PXDN: variants seen among roughly 807,000 people sequenced by gnomAD.
The protein encoded by PXDN is peroxidasin, also known as peroxidasin homolog.
PXDN carries 77 observed loss-of-function variants against 140.3 expected under a neutral mutation model. That is an observed-to-expected ratio of 0.55 (90% CI 0.46 to 0.66). The LOEUF is 0.66. Ranked by LOEUF, PXDN falls within the 30% of genes least tolerant of loss-of-function variation. The pLI, the probability that PXDN is intolerant of heterozygous loss-of-function variation, is 0.00. For synonymous variants in PXDN, 911 were observed against 857.4 expected, an observed-to-expected ratio of 1.06 and a Z score of -1.09; for missense variants, 1,838 against 2,039.5, an observed-to-expected ratio of 0.90 and a Z score of 1.90.
At position 1,697,282 on chromosome 2, in the gene PXDN, C is replaced by G. The variant is rs560902700; in HGVS notation, c.201-4148G>C. On this transcript the variant is annotated intron_variant, in intron 1 of 22. Transcript: ENST00000252804. ...GATATAGGAAAAGCATTTGCACACACAGGCGAACTCATAAACACTAGTAGC... is the reference window on the plus strand; with the variant it reads ...GATATAGGAAAAGCATTTGCACACAGAGGCGAACTCATAAACACTAGTAGC... Among the ~76,000 whole-genome samples the G allele has an allele frequency of 2.0e-5, 3 of 152,324 alleles. No individual in the cohort carries two copies. The East Asian group carries it at 5.8e-4, about 29-fold the overall frequency.
chr2:1,705,379 T>C (rs1235414781), intron 1 of PXDN, among the ~76,000 whole-genome samples: 77 of 141,486 alleles, frequency 5.4e-4, no homozygotes, highest in South Asian at 1.6e-3. Context: ...CGACCTGGGA[T>C]GCAGGGTGCA....
rs779651341 is a variant in PXDN, at chr2:1,666,422, C to T, written c.1083G>A (p.Leu361=). 8.7e-6 allele frequency: 14 copies of T among 1,613,414 alleles called. No homozygotes were observed. The highest frequency in any genetic ancestry group is 1.2e-5 in the Non-Finnish European group (14 of 1,179,678). Reference sequence around the variant, plus strand: ...GGGGGTGGCCTGTGGCGCTGCACTCCAGCGTGACGCTCTCCCCAACCAGCA... The same window carrying T: ...GGGGGTGGCCTGTGGCGCTGCACTCTAGCGTGACGCTCTCCCCAACCAGCA... The part of the protein sequence containing the change: ...TEVLVGESVT[L]ECSATGHPPP... The change falls in exon 10 of 23, where the codon CTG becomes CTA. Residue 361 remains leucine (L), a synonymous_variant. Transcript: ENST00000252804.
chr2:1,680,234 C>T lies in PXDN; in HGVS notation c.689G>A (p.Gly230Glu). The T allele has an allele frequency of 1.9e-6, 3 of 1,607,074 alleles. No homozygotes were observed. Among genetic ancestry groups the T allele is most frequent in the Non-Finnish European group, 2.5e-6 (3 of 1,176,842 alleles). The change falls in exon 7 of 23, where the codon GGA becomes GAA. Residue 230 changes from glycine (G) to glutamate (E), a missense_variant. Around this residue, in one of 5 missense-constraint regions of PXDN, gnomAD observed 208 missense variants for 325.8 expected, o/e 0.64. Transcript: ENST00000252804. ...AICEYPRRIQGRSVATITPEE... is the reference protein window; with the variant it reads ...AICEYPRRIQERSVATITPEE... ...CGGGGTGATGGTTGCCACTGAGCGT[C>T]CCTGGATGCGTCTGGGATATTCACA... is the stretch of plus-strand genomic sequence containing the variant.
In PXDN at chr2:1,651,411, T is replaced by C. The variant is rs1376373746; in HGVS notation, c.2105-1736A>G. Among the ~76,000 whole-genome samples the C allele has an allele frequency of 6.6e-6, 1 of 152,174 alleles. No homozygotes were observed. The highest frequency in any genetic ancestry group is 2.4e-5 in the African/African-American group (1 of 41,444). ...TTTGCCCACATCTGTCCTCACCCCATGCAGAGTGGTCACCCAGCCCGATGC... is the reference window on the plus strand; with the variant it reads ...TTTGCCCACATCTGTCCTCACCCCACGCAGAGTGGTCACCCAGCCCGATGC... On this transcript the variant is annotated intron_variant, in intron 16 of 22. Transcript: ENST00000252804. The surrounding 1 kb of genome is among the most constrained non-coding windows in gnomAD (Gnocchi z 4.4).
At chr2:1,738,264 A>G (rs1685462696) in intron 1 of PXDN, among the ~76,000 whole-genome samples, 1 of 152,118 alleles carries the variant, frequency 6.6e-6, no homozygotes, top group Admixed American at 6.5e-5. Context: ...AGTACGAGAG[A>G]GCTCACGTGT....
At chr2:1,672,867 C>A (rs1382723179) in intron 9 of PXDN, among the ~76,000 whole-genome samples, 1 of 152,190 alleles carries the variant, frequency 6.6e-6, no homozygotes, top group Non-Finnish European at 1.5e-5. Context: ...CTAAAGGCAG[C>A]CAGAAGGTTT....
In PXDN at chr2:1,727,200, C is replaced by A. The variant is rs561554315; in HGVS notation, c.200+17056G>T. Among the ~76,000 whole-genome samples, 5 of 152,332 alleles carry A rather than the reference C, an allele frequency of 3.3e-5. No homozygotes were observed. The South Asian group carries it at 1.0e-3, about 32-fold the overall frequency. On this transcript the variant is annotated intron_variant, in intron 1 of 22. Coordinates refer to ENST00000252804, the MANE Select transcript of PXDN (RefSeq NM_012293.3). ...GCCCTGCGAGCACACACAGCCCACC[C>A]TCCACCCGGAGAACCGCCACCGCCC...
rs992142995 is a variant in PXDN, at chr2:1,685,094, C to T, written c.417-943G>A. Among the ~76,000 whole-genome samples the T allele has an allele frequency of 5.3e-5, 8 of 152,366 alleles. No homozygotes were observed. In the East Asian group the frequency reaches 7.7e-4, roughly 15 times the overall value. The stretch of plus-strand genomic sequence containing the variant: ...AGGTCTGTGGACATCCTGAGATCAC[C>T]GTCACCACCAGGGCACCAGAGTGCG... On this transcript the variant is annotated intron_variant, in intron 4 of 22. Coordinates refer to ENST00000252804, the MANE Select transcript of PXDN (RefSeq NM_012293.3). The surrounding 1 kb of genome is among the most constrained non-coding windows in gnomAD (Gnocchi z 5.1).
At chr2:1,680,858 G>T (rs780535463) in intron 6 of PXDN, among the ~76,000 whole-genome samples, 2 of 152,178 alleles carry the variant, frequency 1.3e-5, no homozygotes, top group African/African-American at 2.4e-5. Flanking sequence ...GTGTGGGAAG[G>T]GGGGCTGCAT....
intron 3 of PXDN, 50 bp downstream of exon 3, chr2:1,691,878 T>C (rs1234635100): frequency 8.4e-7 from 1 of 1,187,264 alleles, no homozygotes; most frequent in Non-Finnish European, 1.2e-6. Flanking sequence ...TATTTTTAAG[T>C]AATCTAGATA....
At chr2:1,643,217 G>A in intron 19 of PXDN, 151 bp downstream of exon 19, 1 of 858,540 alleles carries the variant, frequency 1.2e-6, no homozygotes, top group Middle Eastern at 3.6e-4. Flanking sequence ...GTCCATCTCA[G>A]CATGGATACA....
chr2:1,676,620 G>A, intron 8 of PXDN: 1 of 426,978 alleles, frequency 2.3e-6, no homozygotes. Context: ...AGCAGGCAGG[G>A]AGAGAACAAC....
Position 1,724,838 on chromosome 2 carries a change from T to C in PXDN, c.200+19418A>G, listed in dbSNP as rs946585381. Among the ~76,000 whole-genome samples the C allele has an allele frequency of 5.3e-5, 8 of 152,342 alleles. No individual in the cohort carries two copies. The South Asian group carries it at 1.4e-3, about 28-fold the overall frequency. Reference sequence around the variant, plus strand: ...CCTTTCTTAAGATTGCTTTGGCTGTTTGGGGTCATTTGTGGTTCCATGCAA... The same window carrying C: ...CCTTTCTTAAGATTGCTTTGGCTGTCTGGGGTCATTTGTGGTTCCATGCAA... On this transcript the variant is annotated intron_variant, in intron 1 of 22. Transcript: ENST00000252804.
At chr2:1,655,273 TTATA>T (rs1045191116) in intron 14 of PXDN, among the ~76,000 whole-genome samples, 9 of 147,406 alleles carry the variant, frequency 6.1e-5, no homozygotes, top group African/African-American at 1.8e-4. Flanking sequence ...ACACAGAACA[TTATA>T]TAGAGACACA....
chr2:1,733,673 C>T (rs1572203242), intron 1 of PXDN, among the ~76,000 whole-genome samples: 1 of 138,512 alleles, frequency 7.2e-6, no homozygotes, highest in Non-Finnish European at 1.5e-5. Flanking sequence ...ACCCGGGAGG[C>T]GGAGGCTGCA....
Position 1,662,179 on chromosome 2 carries a change from G to C in PXDN, c.1573C>G (p.Pro525Ala). Reference protein sequence around the residue: ...AHLTVQPRVTPVFASIPSDTT... With the variant: ...AHLTVQPRVTAVFASIPSDTT... The stretch of plus-strand genomic sequence containing the variant: ...TCGCTGGGAATGCTGGCAAACACTG[G>C]GGTGACTGGAAGGCAGATGTAGAGA... The change falls in exon 13 of 23, where the codon CCA (proline) becomes GCA (alanine). Residue 525 changes from proline to alanine, a missense_variant. Transcript: ENST00000252804. 1.3e-6 allele frequency: 2 copies of C among 1,584,110 alleles called. No homozygotes were observed. Among genetic ancestry groups the C allele is most frequent in the African/African-American group, 1.3e-5 (1 of 74,568 alleles).
Position 1,654,464 on chromosome 2 carries a change from T to C in PXDN, c.1882A>G (p.Ile628Val), listed in dbSNP as rs778196440. ...TCAACAGTCGCAATCGCTTCCACGA[T>C]GGAGGTAGCTACAAACGGATCTCCA... ...RNGDPFVATS[I>V]VEAIATVDRA... The change falls in exon 15 of 23, where the codon ATC becomes GTC. Residue 628 changes from isoleucine (I) to valine (V), a missense_variant. Physicochemically the swap from Ile to Val is conservative, Grantham distance 29 (BLOSUM62 3). This residue lies in a region of PXDN where 537 missense variants were observed against 583.9 expected (regional missense o/e 0.92). Coordinates refer to ENST00000252804, the MANE Select transcript of PXDN (RefSeq NM_012293.3). 1.2e-6 allele frequency: 2 copies of C among 1,613,518 alleles called. No individual in the cohort carries two copies. Among genetic ancestry groups the C allele is most frequent in the Non-Finnish European group, 1.7e-6 (2 of 1,179,444 alleles).
intron 1 of PXDN, among the ~76,000 whole-genome samples, chr2:1,722,829 G>A (rs1558527158): frequency 1.3e-5 from 2 of 152,358 alleles, no homozygotes; most frequent in South Asian, 4.1e-4. Flanking sequence ...GTGCCTCACA[G>A]CCTGACCCCT....
In PXDN at chr2:1,677,326, C is replaced by T. The variant is rs145209573; in HGVS notation, c.731-282G>A. Among the ~76,000 whole-genome samples, 1,310 of 152,338 alleles carry T rather than the reference C, an allele frequency of 8.6e-3. 12 individuals are homozygous for T. Among genetic ancestry groups the T allele is most frequent in the Middle Eastern group, 0.051 (15 of 294 alleles). ...GACAGCCCCAAATGACAGCCTTCGGCGTCCCCTCGAGGCCCTCTGGGAAAG... is the reference window on the plus strand; with the variant it reads ...GACAGCCCCAAATGACAGCCTTCGGTGTCCCCTCGAGGCCCTCTGGGAAAG... On this transcript the variant is annotated intron_variant, in intron 7 of 22. Transcript: ENST00000252804.
Sources: allele counts gnomAD v4.1 joint callset (sites outside exome capture counted in the v4.1 genomes callset), GRCh38; gene constraint gnomAD v4.1.1; regional missense constraint gnomAD v4.1.1; non-coding constraint Gnocchi (gnomAD v3.1); transcripts MANE v1.5; gene names NCBI Gene and HGNC (gene_info 2026-07-23, HGNC 2026-07-21).